GAB1: variants seen among roughly 807,000 people sequenced by gnomAD.
GAB1 encodes GRB2 associated binding protein 1, also known as GRB2-associated-binding protein 1.
Under a neutral mutation model 66.5 loss-of-function variants are expected in GAB1, and 19 were observed. That is an observed-to-expected ratio of 0.29 (90% confidence interval 0.20 to 0.42). The LOEUF (loss-of-function observed/expected upper bound fraction) is 0.42, where lower values mean the gene tolerates loss of function less well. GAB1 is among the 10% of genes least tolerant of loss of function. The pLI, the probability that GAB1 is intolerant of heterozygous loss-of-function variation, is 1.00. For missense variants in GAB1, 732 were observed against 858.5 expected (o/e 0.85, Z 1.84); for synonymous variants, 294 against 301.4 (o/e 0.98, Z 0.25).
chr4:143,444,180 A>T (rs910120787), intron 6 of GAB1, among the ~76,000 whole-genome samples: 1 of 152,136 alleles, frequency 6.6e-6, no homozygotes, highest in African/African-American at 2.4e-5. Context: ...GCTTCTCTTT[A>T]TGTCATGACA....
At position 143,469,350 on chromosome 4, in the gene GAB1, G is replaced by A. The variant is rs550333330; in HGVS notation, c.*161G>A. 1.2e-5 allele frequency: 8 copies of A among 640,688 alleles called. No individual in the cohort carries two copies. The South Asian group carries it at 1.7e-4, about 13-fold the overall frequency. 39.7% of individuals were successfully genotyped at this position (640,688 alleles called of 1,614,324 possible). A position where few individuals can be genotyped will look rare whatever the true frequency, so the allele number is the denominator to read the frequency against. On this transcript the variant is annotated 3_prime_UTR_variant, in exon 10 of 10. Coordinates refer to ENST00000262994, the MANE Select transcript of GAB1 (RefSeq NM_002039.4). ...TAATCAAGCAATTTAGACTTAAGTG[G>A]TGCTTTGTGGTATCTGAACAATTCA...
intron 1 of GAB1, among the ~76,000 whole-genome samples, chr4:143,414,877 C>A (rs1019150573): frequency 1.3e-5 from 2 of 152,098 alleles, no homozygotes; most frequent in Non-Finnish European, 2.9e-5. Context: ...TTAATACATT[C>A]ACAGCACCAT....
intron 8 of GAB1, 103 bp downstream of exon 8, chr4:143,460,590 A>G: frequency 1.9e-6 from 2 of 1,036,948 alleles, no homozygotes; most frequent in South Asian, 4.1e-5. Context: ...TTATATACTT[A>G]AGAAAAAGCA....
intron 2 of GAB1, among the ~76,000 whole-genome samples, chr4:143,426,168 A>G (rs2149735424): frequency 6.6e-6 from 1 of 152,336 alleles, no homozygotes; most frequent in South Asian, 2.1e-4. Context: ...TTTGAACTTG[A>G]TTCATCTAGG....
At chr4:143,451,764 C>T (rs1734941194) in intron 6 of GAB1, among the ~76,000 whole-genome samples, 2 of 152,122 alleles carry the variant, frequency 1.3e-5, no homozygotes, top group African/African-American at 4.8e-5. Flanking sequence ...CCCTGTCTGG[C>T]TCCCTCAACT....
intron 2 of GAB1, chr4:143,417,477 TG>T: frequency 5.0e-6 from 2 of 402,920 alleles, no homozygotes; most frequent in Non-Finnish European, 9.9e-6. Context: ...GCATGATCTC[TG>T]CTCACTGCAA....
intron 3 of GAB1, among the ~76,000 whole-genome samples, chr4:143,437,566 T>A (rs1734000659): frequency 6.6e-6 from 1 of 152,138 alleles, no homozygotes; most frequent in South Asian, 2.1e-4. Flanking sequence ...AAATTTGCCG[T>A]GGGGAGGTTT....
rs753310550 is a variant in GAB1 at position 143,433,653 on chromosome 4, A to G, written c.530A>G (p.Gln177Arg). The change falls in exon 3 of 10, where the codon CAG becomes CGG. Residue 177 changes from glutamine to arginine, a missense_variant. Transcript: ENST00000262994. Reference sequence around the variant, plus strand: ...CCACACCTGGAAACTCTTGGCATTCAGGAGGATCCTCAAGACTACCTGTTG... The same window carrying G: ...CCACACCTGGAAACTCTTGGCATTCGGGAGGATCCTCAAGACTACCTGTTG... Reference protein sequence around the residue: ...VPPHLETLGIQEDPQDYLLLI... With the variant: ...VPPHLETLGIREDPQDYLLLI... 6.8e-6 allele frequency: 11 copies of G among 1,614,026 alleles called. No homozygotes were observed. In the South Asian group the frequency reaches 1.1e-4, roughly 16 times the overall value.
intron 1 of GAB1, among the ~76,000 whole-genome samples, chr4:143,384,499 G>A (rs923845338): frequency 6.6e-6 from 1 of 152,176 alleles, no homozygotes; most frequent in Non-Finnish European, 1.5e-5. Flanking sequence ...TGAGTTTCCA[G>A]GCTGTACAGG....
chr4:143,378,075 T>C (rs1337220391), intron 1 of GAB1, among the ~76,000 whole-genome samples: 1 of 152,230 alleles, frequency 6.6e-6, no homozygotes, highest in African/African-American at 2.4e-5. Flanking sequence ...CAATGATGTA[T>C]AGCGTATAAA....
intron 1 of GAB1, among the ~76,000 whole-genome samples, chr4:143,398,551 T>TTGTATC (rs1731578931): frequency 6.6e-6 from 1 of 152,190 alleles, no homozygotes. Context: ...TATCCACTAC[T>TTGTATC]TGTATCTCCC....
At chr4:143,450,054 T>G (rs1734827789) in intron 6 of GAB1, among the ~76,000 whole-genome samples, 1 of 152,228 alleles carries the variant, frequency 6.6e-6, no homozygotes, top group Non-Finnish European at 1.5e-5. Context: ...TATTAAAGTT[T>G]AAATCTTAAG....
At chr4:143,362,633 G>A (rs1051944750) in intron 1 of GAB1, among the ~76,000 whole-genome samples, 9 of 152,206 alleles carry the variant, frequency 5.9e-5, no homozygotes, top group African/African-American at 1.9e-4. Flanking sequence ...GCGCTGATGG[G>A]AGTGTCTCTT....
Position 143,438,406 on chromosome 4 carries a change from T to G in GAB1, c.1001T>G (p.Leu334Arg). ...GGAACCTTGGGACAGACATCAAAGCTAGACACTATTCCAGATATTCCTCCA... is the reference window on the plus strand; with the variant it reads ...GGAACCTTGGGACAGACATCAAAGCGAGACACTATTCCAGATATTCCTCCA... Reference protein sequence around the residue: ...PEGTLGQTSKLDTIPDIPPPR... With the variant: ...PEGTLGQTSKRDTIPDIPPPR... Residue 334 changes from leucine to arginine, a missense_variant, in exon 4 of 10, where the codon CTA becomes CGA. This residue lies in a region of GAB1 where 427 missense variants were observed against 420.6 expected (regional missense o/e 1.02). Transcript: ENST00000262994. 1 of 1,614,042 alleles carries G rather than the reference T, an allele frequency of 6.2e-7. No homozygotes were observed. The highest frequency in any genetic ancestry group is 8.5e-7 in the Non-Finnish European group (1 of 1,179,972).
chr4:143,462,145 A>T (rs1174245944), intron 8 of GAB1, among the ~76,000 whole-genome samples: 1 of 151,990 alleles, frequency 6.6e-6, no homozygotes, highest in Admixed American at 6.5e-5. Flanking sequence ...CAATATATCA[A>T]TAATGTTTTC....
At position 143,364,872 on chromosome 4, in the gene GAB1, T is replaced by G. The variant is rs550817377; in HGVS notation, c.72+27612T>G. ...TTAAAGCTCTCCCTGCATCTACTTT[T>G]TTTTTTTTTTTTTTTTTTTTTTGGA... On this transcript the variant is annotated intron_variant, in intron 1 of 9. Transcript: ENST00000262994. 7.9e-3 allele frequency among the ~76,000 whole-genome samples: 1,012 copies of G among 127,840 alleles called. 16 individuals carry two copies. The highest frequency in any genetic ancestry group is 0.028 in the African/African-American group (964 of 34,572). The allele number at this position is 127,840 out of a possible 152,430, so 83.9% of individuals were successfully genotyped here. A position where few individuals can be genotyped will look rare whatever the true frequency, so the allele number is the denominator to read the frequency against.
intron 1 of GAB1, among the ~76,000 whole-genome samples, chr4:143,351,880 C>A (rs1729241116): frequency 6.6e-6 from 1 of 152,218 alleles, no homozygotes; most frequent in Non-Finnish European, 1.5e-5. Context: ...TAGAGGGGTT[C>A]ATAAAGCTTG....
chr4:143,408,092 G>A (rs1732159228), intron 1 of GAB1, among the ~76,000 whole-genome samples: 1 of 152,034 alleles, frequency 6.6e-6, no homozygotes, highest in Non-Finnish European at 1.5e-5. Flanking sequence ...TTAAAATAAA[G>A]TCGTGACTCT....
At chr4:143,387,242 C>T (rs955161271) in intron 1 of GAB1, among the ~76,000 whole-genome samples, 7 of 152,204 alleles carry the variant, frequency 4.6e-5, no homozygotes, top group African/African-American at 1.7e-4. Context: ...AGCAATTCTC[C>T]TGCCTCAGCC....
Sources: gnomAD v4.1 joint callset for allele counts (sites outside exome capture counted in the v4.1 genomes callset) on GRCh38, gnomAD v4.1.1 for gene constraint, gnomAD v4.1.1 regional missense constraint, MANE v1.5 for transcripts, NCBI Gene and HGNC (gene_info 2026-07-23, HGNC 2026-07-21) for gene names.